The following ARFGEF3 variants were observed in gnomAD, a reference collection of about 807,000 sequenced individuals.
ARFGEF3 encodes brefeldin A-inhibited guanine nucleotide-exchange protein 3.
Under a neutral mutation model 221.7 loss-of-function variants are expected in ARFGEF3, and 96 were observed. The observed-to-expected ratio is 0.43, with a 90% confidence interval of 0.37 to 0.51. ARFGEF3 has a LOEUF of 0.51. ARFGEF3 is among the 20% of genes least tolerant of loss of function. ARFGEF3 has a pLI of 0.00. For missense variants in ARFGEF3, 2,410 were observed against 2,789.9 expected, an observed-to-expected ratio of 0.86 and a Z score of 3.07; for synonymous variants, 1,145 against 1,126.8, an observed-to-expected ratio of 1.02 and a Z score of -0.32.
chr6:138,206,667 G>A lies in ARFGEF3; in HGVS notation c.138-375G>A, dbSNP rs573446918. On this transcript the variant is annotated intron_variant, in intron 2 of 33. Coordinates refer to ENST00000251691, the MANE Select transcript of ARFGEF3 (RefSeq NM_020340.5). The stretch of plus-strand genomic sequence containing the variant: ...AGCAAGGCATAGAAATCTACTTAAT[G>A]ATGCTTCCTAGAGTTGTTCACCCCC... 3.3e-5 allele frequency among the ~76,000 whole-genome samples: 5 copies of A among 152,316 alleles called. No homozygotes were observed. The South Asian group carries it at 1.0e-3, about 32-fold the overall frequency.
At position 138,286,018 on chromosome 6, in the gene ARFGEF3, C is replaced by T; in HGVS notation, c.2534C>T (p.Ala845Val). 3 of 1,608,668 alleles carry T rather than the reference C, an allele frequency of 1.9e-6. No individual in the cohort carries two copies. The highest frequency in any genetic ancestry group is 1.7e-6 in the Non-Finnish European group (2 of 1,179,196). The part of the protein sequence containing the change: ...MASAATESPF[A>V]QSRRIDDSTV... ...TCGGCTGCTACAGAGTCTCCTTTCG[C>T]CCAGAGCAGGAGAATTGATGACTCC... The change falls in exon 15 of 34, where the codon GCC becomes GTC. Residue 845 changes from alanine to valine, a missense_variant. Ala to Val is a moderately conservative substitution (Grantham distance 64, BLOSUM62 0). Transcript: ENST00000251691.
intron 2 of ARFGEF3, among the ~76,000 whole-genome samples, chr6:138,184,717 G>A (rs1482859957): frequency 6.6e-6 from 1 of 152,188 alleles, no homozygotes; most frequent in African/African-American, 2.4e-5. Flanking sequence ...GGAATCTAAT[G>A]TTGCTCTATC....
intron 8 of ARFGEF3, among the ~76,000 whole-genome samples, chr6:138,253,622 C>T (rs940220997): frequency 1.3e-5 from 2 of 152,152 alleles, no homozygotes; most frequent in South Asian, 2.1e-4. Flanking sequence ...TAGCATCCCC[C>T]CTAGTGAACT....
intron 2 of ARFGEF3, among the ~76,000 whole-genome samples, chr6:138,196,521 G>T (rs1310596572): frequency 6.6e-6 from 1 of 152,232 alleles, no homozygotes; most frequent in African/African-American, 2.4e-5. Context: ...AATAGAGTTT[G>T]CAGGACTGGA....
Position 138,162,767 on chromosome 6 carries a change from G to A in ARFGEF3, c.85+596G>A, listed in dbSNP as rs904412484. 6.6e-6 allele frequency among the ~76,000 whole-genome samples: 1 copy of A among 152,186 alleles called. No individual in the cohort carries two copies. The highest frequency in any genetic ancestry group is 6.5e-5 in the Admixed American group (1 of 15,286). The stretch of plus-strand genomic sequence containing the variant: ...GGCTGTGAGCTGTGCTAGCGTTGAA[G>A]TAAGTTCCAGGGAGCAAATTTGTGT... On this transcript the variant is annotated intron_variant, in intron 1 of 33. Coordinates refer to ENST00000251691, the MANE Select transcript of ARFGEF3 (RefSeq NM_020340.5). The surrounding 1 kb of genome is among the most constrained non-coding windows in gnomAD (Gnocchi z 4.7).
chr6:138,318,346 C>A (rs141315449), intron 27 of ARFGEF3, among the ~76,000 whole-genome samples: 1 of 151,974 alleles, frequency 6.6e-6, no homozygotes, highest in Non-Finnish European at 1.5e-5. Flanking sequence ...TTCCTAGGAG[C>A]CTGTCATCTA....
Position 138,344,177 on chromosome 6 carries a change from AATC to A in ARFGEF3, c.*7693_*7695del, listed in dbSNP as rs1780477512. 4 of 152,178 alleles carry A rather than the reference AATC, an allele frequency of 2.6e-5. No homozygotes were observed. The highest frequency in any genetic ancestry group is 9.7e-5 in the African/African-American group (4 of 41,418). The allele number at this position is 152,178 out of a possible 1,614,324, so 9.4% of individuals were successfully genotyped here. ...TATTCCTTATAGTATTATGCCAAAGAATCAACTTATTTTCATTGAAGATTATAA... is the reference window on the plus strand; with the variant it reads ...TATTCCTTATAGTATTATGCCAAAGAAACTTATTTTCATTGAAGATTATAA... On this transcript the variant is annotated 3_prime_UTR_variant, in exon 34 of 34. Transcript: ENST00000251691.
chr6:138,163,510 C>T (rs935754071), intron 1 of ARFGEF3, among the ~76,000 whole-genome samples: 1 of 152,198 alleles, frequency 6.6e-6, no homozygotes, highest in Non-Finnish European at 1.5e-5. Flanking sequence ...CATGATAAAG[C>T]AGGGCCCAAT....
intron 7 of ARFGEF3, among the ~76,000 whole-genome samples, chr6:138,243,244 A>G (rs1778426645): frequency 6.6e-6 from 1 of 152,188 alleles, no homozygotes; most frequent in Non-Finnish European, 1.5e-5. Flanking sequence ...AACGCTTCAC[A>G]TACCTCTCAT....
At chr6:138,267,240 A>G (rs1326841626) in intron 12 of ARFGEF3, among the ~76,000 whole-genome samples, 1 of 152,174 alleles carries the variant, frequency 6.6e-6, no homozygotes, top group Non-Finnish European at 1.5e-5. Context: ...CCTGGCCAAC[A>G]TGGCAAAACC....
intron 2 of ARFGEF3, among the ~76,000 whole-genome samples, chr6:138,178,489 T>C (rs766538377): frequency 1.1e-4 from 16 of 152,188 alleles, no homozygotes; most frequent in South Asian, 2.1e-4. Flanking sequence ...CCTTCCTTAA[T>C]TTCCTAGGTA....
chr6:138,195,570 A>G (rs1272116901), intron 2 of ARFGEF3, among the ~76,000 whole-genome samples: 1 of 152,192 alleles, frequency 6.6e-6, no homozygotes, highest in Non-Finnish European at 1.5e-5. Flanking sequence ...CCTGTGTCAA[A>G]AAAACTTTAG....
chr6:138,182,643 A>G, intron 2 of ARFGEF3, among the ~76,000 whole-genome samples: 1 of 152,224 alleles, frequency 6.6e-6, no homozygotes, highest in East Asian at 1.9e-4. Context: ...AAGATAAAAG[A>G]GACTCTAGTC....
intron 4 of ARFGEF3, chr6:138,218,302 A>T (rs1777913441): frequency 1.3e-6 from 2 of 1,581,242 alleles, no homozygotes; most frequent in African/African-American, 1.3e-5. Context: ...AGCCTTGGGA[A>T]GTTACTTAAT....
chr6:138,287,592 A>G (rs114103832), intron 17 of ARFGEF3, among the ~76,000 whole-genome samples: 1 of 152,208 alleles, frequency 6.6e-6, no homozygotes. Flanking sequence ...AAAATTCATG[A>G]GGGGAGGCTC....
intron 1 of ARFGEF3, among the ~76,000 whole-genome samples, chr6:138,164,183 C>T (rs1776674847): frequency 1.3e-5 from 2 of 152,094 alleles, no homozygotes; most frequent in Admixed American, 1.3e-4. Context: ...TTTCCACTGC[C>T]CGTCACTGTT....
intron 2 of ARFGEF3, 82 bp downstream of exon 2, chr6:138,170,795 G>A (rs995721947): frequency 1.2e-6 from 1 of 806,082 alleles, no homozygotes; most frequent in Non-Finnish European, 2.2e-6. Flanking sequence ...TTTACAGTGT[G>A]TCTTAGTTTG....
At position 138,269,435 on chromosome 6, in the gene ARFGEF3, A is replaced by G. The variant is rs1319048461; in HGVS notation, c.2128+5824A>G. On this transcript the variant is annotated intron_variant, in intron 12 of 33. Transcript: ENST00000251691. ...TATATAATACAGAAGGTAAAATTAC[A>G]GGAAGAAAACCTCAAATAAATAAAT... 5.3e-5 allele frequency among the ~76,000 whole-genome samples: 8 copies of G among 152,364 alleles called. No individual in the cohort carries two copies. In the East Asian group the frequency reaches 1.6e-3, roughly 30 times the overall value.
chr6:138,246,070 G>C (rs1778481032), intron 8 of ARFGEF3, among the ~76,000 whole-genome samples: 1 of 152,200 alleles, frequency 6.6e-6, no homozygotes, highest in Non-Finnish European at 1.5e-5. Context: ...TTTAAAAAGA[G>C]CATGTTACTC....
Sources: gnomAD v4.1 joint callset for allele counts (sites outside exome capture counted in the v4.1 genomes callset) on GRCh38, gnomAD v4.1.1 for gene constraint, Gnocchi (gnomAD v3.1) non-coding constraint, MANE v1.5 for transcripts, NCBI Gene and HGNC (gene_info 2026-07-23, HGNC 2026-07-21) for gene names.